Variants in ESRRG observed in about 807,000 individuals in gnomAD.
ESRRG encodes estrogen related receptor gamma, also known as estrogen-related receptor gamma.
ESRRG carries 13 observed loss-of-function variants against 44.0 expected under a neutral mutation model. The observed-to-expected ratio is 0.30, with a 90% CI of 0.19 to 0.47. The LOEUF is 0.47. Ranked by LOEUF, ESRRG falls within the 20% of genes least tolerant of loss-of-function variation. The pLI is 1.00. For missense variants in ESRRG, 395 were observed against 580.6 expected (o/e 0.68, Z 3.29); for synonymous variants, 215 against 214.6 (o/e 1.00, Z -0.02).
intron 1 of ESRRG, among the ~76,000 whole-genome samples, chr1:217,135,945 AC>A (rs1459550359): frequency 3.4e-5 from 5 of 148,942 alleles, no homozygotes; most frequent in Admixed American, 3.4e-4. Context: ...CCTTACTCCC[AC>A]CCCCGCCCCC....
chr1:217,118,993 T>C (rs2092777856), intron 1 of ESRRG, among the ~76,000 whole-genome samples: 2 of 146,706 alleles, frequency 1.4e-5, no homozygotes, highest in South Asian at 2.2e-4. Flanking sequence ...ACCCTATCTC[T>C]AGAAACTAGA....
intron 3 of ESRRG, among the ~76,000 whole-genome samples, chr1:216,613,854 T>A (rs1394505650): frequency 2.0e-5 from 3 of 152,246 alleles, no homozygotes; most frequent in African/African-American, 7.2e-5. Flanking sequence ...TTTTCTGGAA[T>A]AATATCTTAT....
At chr1:217,091,938 C>T (rs1355465084), upstream of ESRRG, among the ~76,000 whole-genome samples, 1 of 152,226 alleles carries the variant, frequency 6.6e-6, no homozygotes, top group Non-Finnish European at 1.5e-5. Flanking sequence ...AACAATTTGA[C>T]TAACTTTAAT....
chr1:216,999,233 T>C (rs929216318), intron 1 of ESRRG, among the ~76,000 whole-genome samples: 2 of 152,136 alleles, frequency 1.3e-5, no homozygotes, highest in African/African-American at 2.4e-5. Flanking sequence ...GTTCACATCT[T>C]ATCATTATTT....
upstream of ESRRG, among the ~76,000 whole-genome samples, chr1:216,726,132 C>T (rs1002402108): frequency 2.6e-5 from 4 of 152,054 alleles, no homozygotes; most frequent in African/African-American, 9.7e-5. Flanking sequence ...TAGTGTCATC[C>T]CCACTGATTT....
chr1:216,504,683 A>G lies in ESRRG; in HGVS notation c.*2256T>C, dbSNP rs143920496. 11 of 152,772 alleles carry G rather than the reference A, an allele frequency of 7.2e-5. No individual in the cohort carries two copies. Among genetic ancestry groups the G allele is most frequent in the African/African-American group, 2.4e-4 (10 of 41,590 alleles). The allele number at this position is 152,772 out of a possible 1,614,324, so 9.5% of individuals were successfully genotyped here. ...TGAGAGATGATTGAGTGAAAGCCAT[A>G]TATACAGCATTTAAAAATTAGACTT... On this transcript the variant is annotated 3_prime_UTR_variant, in exon 7 of 7. Coordinates refer to ENST00000408911, the MANE Select transcript of ESRRG (RefSeq NM_001438.4).
intron 2 of ESRRG, among the ~76,000 whole-genome samples, chr1:216,661,975 T>C (rs1056588911): frequency 2.6e-5 from 4 of 152,156 alleles, no homozygotes; most frequent in African/African-American, 9.7e-5. Flanking sequence ...GAGCAGCTCT[T>C]AAATTTGGAG....
chr1:216,824,249 C>A (rs2095352206), intron 2 of ESRRG, among the ~76,000 whole-genome samples: 1 of 152,024 alleles, frequency 6.6e-6, no homozygotes, highest in African/African-American at 2.4e-5. Flanking sequence ...GAGTTTGAGA[C>A]CAGCCTGACC....
At chr1:216,691,863 C>T (rs1283413509) in intron 1 of ESRRG, among the ~76,000 whole-genome samples, 1 of 152,132 alleles carries the variant, frequency 6.6e-6, no homozygotes, top group Non-Finnish European at 1.5e-5. Flanking sequence ...GACACTGGTC[C>T]TGTAAAATTA....
intron 1 of ESRRG, among the ~76,000 whole-genome samples, chr1:217,135,302 C>G (rs2102555328): frequency 6.6e-6 from 1 of 152,272 alleles, no homozygotes; most frequent in East Asian, 1.9e-4. Context: ...CACACGCCCA[C>G]CCCGCCTCCC....
At chr1:217,097,964 T>C (rs978795040) in intron 1 of ESRRG, among the ~76,000 whole-genome samples, 5 of 151,818 alleles carry the variant, frequency 3.3e-5, no homozygotes, top group African/African-American at 7.3e-5. Flanking sequence ...TCACACCCCA[T>C]AGCAATTAGT....
intron 2 of ESRRG, among the ~76,000 whole-genome samples, chr1:216,736,351 T>A (rs1434299990): frequency 6.6e-6 from 1 of 151,528 alleles, no homozygotes; most frequent in Non-Finnish European, 1.5e-5. Flanking sequence ...GCCCGGCTAA[T>A]TTTTTGTATT....
intron 1 of ESRRG, among the ~76,000 whole-genome samples, chr1:216,994,390 C>T (rs950509457): frequency 1.3e-4 from 20 of 152,254 alleles, no homozygotes; most frequent in African/African-American, 3.9e-4. Context: ...ATGGGGCACC[C>T]GGAAGGGGTG....
chr1:216,913,435 T>C (rs1454158200), intron 2 of ESRRG, among the ~76,000 whole-genome samples: 2 of 152,170 alleles, frequency 1.3e-5, no homozygotes, highest in African/African-American at 4.8e-5. Flanking sequence ...AATGAATGAA[T>C]ATGCATCCTT....
At chr1:216,944,118 T>C (rs1428797103) in intron 1 of ESRRG, among the ~76,000 whole-genome samples, 3 of 152,180 alleles carry the variant, frequency 2.0e-5, no homozygotes, top group Middle Eastern at 3.2e-3. Context: ...AATGTAAGGC[T>C]CCCTCCAGTT....
intron 3 of ESRRG, among the ~76,000 whole-genome samples, chr1:216,581,704 C>G (rs955114014): frequency 6.6e-6 from 1 of 151,974 alleles, no homozygotes; most frequent in African/African-American, 2.4e-5. Context: ...GCATTTACCC[C>G]CAAAGGACAC....
chr1:216,702,005 T>C (rs2081463725), intron 1 of ESRRG, among the ~76,000 whole-genome samples: 1 of 152,210 alleles, frequency 6.6e-6, no homozygotes, highest in South Asian at 2.1e-4. Flanking sequence ...CACATTTGTT[T>C]TATTTATGTT....
chr1:217,081,221 C>CTTTTTTTTTT lies in ESRRG; in HGVS notation c.-106+8276_-106+8285dup, dbSNP rs143325476. ...TCAGTGAATTATAGATAAAAATATT[C>CTTTTTTTTTT]TTTTTTTTTTTTTTTTTTTTTTTGA... On this transcript the variant is annotated intron_variant, in intron 1 of 7. Coordinates refer to the ESRRG transcript ENST00000359162. Among the ~76,000 whole-genome samples, 73 of 70,416 alleles carry CTTTTTTTTTT rather than the reference C, an allele frequency of 1.0e-3. 7 individuals carry two copies. Among genetic ancestry groups the CTTTTTTTTTT allele is most frequent in the African/African-American group, 1.9e-3 (31 of 16,608 alleles). The allele number at this position is 70,416 out of a possible 152,430, so 46.2% of individuals were successfully genotyped here.
intron 1 of ESRRG, among the ~76,000 whole-genome samples, chr1:216,685,261 T>C (rs1190545610): frequency 2.0e-5 from 3 of 151,576 alleles, no homozygotes; most frequent in African/African-American, 7.3e-5. Flanking sequence ...AAAAAAAAAG[T>C]ACCCAAGATA....
Sources: gnomAD v4.1 joint callset for allele counts (sites outside exome capture counted in the v4.1 genomes callset) on GRCh38, gnomAD v4.1.1 for gene constraint, MANE v1.5 for transcripts, NCBI Gene and HGNC (gene_info 2026-07-23, HGNC 2026-07-21) for gene names.